ITGA8: variants seen among roughly 807,000 people sequenced by gnomAD.
The protein encoded by ITGA8 is integrin subunit alpha 8.
Under a neutral mutation model 142.3 loss-of-function variants are expected in ITGA8, and 91 were observed. The observed-to-expected ratio is 0.64, with a 90% CI of 0.54 to 0.76. The LOEUF (loss-of-function observed/expected upper bound fraction) is 0.76, where lower values mean the gene tolerates loss of function less well. Ranked by LOEUF, ITGA8 falls within the 30% of genes least tolerant of loss-of-function variation. The pLI is 0.00. For synonymous variants in ITGA8, 505 were observed against 485.2 expected (o/e 1.04, Z -0.54); for missense variants, 1,406 against 1,327.7 (o/e 1.06, Z -0.92).
At chr10:15,531,439 A>C (rs1225003576) in intron 27 of ITGA8, among the ~76,000 whole-genome samples, 2 of 120,904 alleles carry the variant, frequency 1.7e-5, no homozygotes, top group Non-Finnish European at 3.8e-5. Context: ...TCTTCTTCCT[A>C]TTTCTAAGGA....
chr10:15,628,324 GTTTTTTTTTT>G (rs4030578), intron 13 of ITGA8, among the ~76,000 whole-genome samples: 1 of 61,564 alleles, frequency 1.6e-5, no homozygotes, highest in Admixed American at 2.8e-4. Context: ...ATTTATTTTG[GTTTTTTTTTT>G]TTTTTTTTTT....
At chr10:15,623,906 A>G (rs578241566) in intron 13 of ITGA8, among the ~76,000 whole-genome samples, 1 of 151,898 alleles carries the variant, frequency 6.6e-6, no homozygotes, top group East Asian at 1.9e-4. Flanking sequence ...CCACTAATCT[A>G]TTTTCCAGAA....
chr10:15,529,596 A>G (rs1291491168), intron 28 of ITGA8, among the ~76,000 whole-genome samples: 2 of 152,208 alleles, frequency 1.3e-5, no homozygotes, highest in Admixed American at 6.5e-5. Flanking sequence ...CCCCAGACCT[A>G]CTGAATATTT....
intron 2 of ITGA8, among the ~76,000 whole-genome samples, chr10:15,706,290 C>T (rs1835256750): frequency 6.6e-6 from 1 of 152,182 alleles, no homozygotes; most frequent in South Asian, 2.1e-4. Flanking sequence ...CCAAATAAAG[C>T]CCCAAACCAC....
chr10:15,676,280 C>A lies in ITGA8; in HGVS notation c.676+1312G>T, dbSNP rs144872497. 1.1e-3 allele frequency among the ~76,000 whole-genome samples: 175 copies of A among 152,310 alleles called. 1 individual carries two copies. The highest frequency in any genetic ancestry group is 3.3e-3 in the African/African-American group (139 of 41,572). On this transcript the variant is annotated intron_variant, in intron 6 of 29. Coordinates refer to ENST00000378076, the MANE Select transcript of ITGA8 (RefSeq NM_003638.3). ...TTTCCAAGTTAACTTTGCGTTGCTG[C>A]TGGCCTATGCAGCACCTTAGCAAGA...
intron 16 of ITGA8, 116 bp downstream of exon 16, chr10:15,608,119 A>G (rs1028060136): frequency 7.9e-6 from 6 of 758,050 alleles, no homozygotes; most frequent in Non-Finnish European, 1.1e-5. Flanking sequence ...TATATGCAAC[A>G]GATATCTTGG....
At chr10:15,659,240 G>C (rs557685503) in intron 9 of ITGA8, among the ~76,000 whole-genome samples, 185 bp from the exon 10 acceptor site, 19 of 151,748 alleles carry the variant, frequency 1.3e-4, no homozygotes, top group Non-Finnish European at 2.2e-4. Context: ...TAAAGTTTTT[G>C]TTTATGGTTA....
intron 8 of ITGA8, among the ~76,000 whole-genome samples, chr10:15,671,095 A>G (rs1033787220): frequency 2.0e-5 from 3 of 152,210 alleles, no homozygotes; most frequent in Admixed American, 2.0e-4. Context: ...GGTAGACAAC[A>G]GCCACAGCAA....
intron 8 of ITGA8, among the ~76,000 whole-genome samples, chr10:15,664,512 TTC>T (rs887073042): frequency 2.6e-5 from 3 of 114,130 alleles, no homozygotes; most frequent in African/African-American, 8.8e-5. Context: ...TCTTTTTTTT[TTC>T]CACATTTTAT....
At chr10:15,552,529 C>T (rs1042800897) in intron 26 of ITGA8, among the ~76,000 whole-genome samples, 3 of 152,188 alleles carry the variant, frequency 2.0e-5, no homozygotes, top group Admixed American at 2.0e-4. Context: ...TATTAGAATT[C>T]TGTAGATGTC....
At chr10:15,613,862 C>G (rs1041842833) in intron 14 of ITGA8, 95 bp from the exon 15 acceptor site, 3 of 808,020 alleles carry the variant, frequency 3.7e-6, no homozygotes, top group Non-Finnish European at 4.2e-6. Flanking sequence ...CAGTAGTAGA[C>G]AGAATACTCC....
At chr10:15,629,533 C>G (rs938858915) in intron 13 of ITGA8, among the ~76,000 whole-genome samples, 1 of 152,038 alleles carries the variant, frequency 6.6e-6, no homozygotes, top group African/African-American at 2.4e-5. Flanking sequence ...CTGAGCCAGA[C>G]AAAGGCAGGC....
intron 2 of ITGA8, among the ~76,000 whole-genome samples, chr10:15,704,088 A>C (rs187566837): frequency 6.6e-6 from 1 of 152,338 alleles, no homozygotes; most frequent in East Asian, 1.9e-4. Context: ...GACGATCACC[A>C]ATCTTGCACT....
chr10:15,553,362 G>A (rs11259736), intron 26 of ITGA8, among the ~76,000 whole-genome samples: 16,953 of 143,694 alleles, frequency 0.12, 1,256 homozygotes, highest in Middle Eastern at 0.23. Context: ...CATAACAAAT[G>A]CTTCATTTGA....
rs147715663 is a variant in ITGA8 at position 15,672,498 on chromosome 10, C to G, written c.802+126G>C. On this transcript the variant is annotated intron_variant, in intron 7 of 29. Transcript: ENST00000378076. ...AAAAAGAAAAGAAAAATTGAGTCCACTCTAATAAGAGAACATTTGTATAAG... is the reference window on the plus strand; with the variant it reads ...AAAAAGAAAAGAAAAATTGAGTCCAGTCTAATAAGAGAACATTTGTATAAG... 3.7e-4 allele frequency: 434 copies of G among 1,182,886 alleles called. 1 individual carries two copies. In the Middle Eastern group the frequency reaches 5.8e-3, roughly 16 times the overall value. 73.3% of individuals were successfully genotyped at this position (1,182,886 alleles called of 1,614,324 possible).
Position 15,539,990 on chromosome 10 carries a change from G to A in ITGA8, c.2880+8465C>T, listed in dbSNP as rs11815800. 4.7e-3 allele frequency among the ~76,000 whole-genome samples: 711 copies of A among 152,112 alleles called. 11 individuals carry two copies. The highest frequency in any genetic ancestry group is 0.016 in the African/African-American group (677 of 41,502). On this transcript the variant is annotated intron_variant, in intron 27 of 29. Coordinates refer to ENST00000378076, the MANE Select transcript of ITGA8 (RefSeq NM_003638.3). ...GTTCCCCTGCACATGCTCTCTTGCCGCCATGTAAGACATGCTTTTGCTTCT... is the reference window on the plus strand; with the variant it reads ...GTTCCCCTGCACATGCTCTCTTGCCACCATGTAAGACATGCTTTTGCTTCT...
At chr10:15,709,100 T>C (rs1039714920) in intron 2 of ITGA8, among the ~76,000 whole-genome samples, 1 of 152,252 alleles carries the variant, frequency 6.6e-6, no homozygotes, top group Non-Finnish European at 1.5e-5. Flanking sequence ...CGTTTGTGAA[T>C]TCTTAGTGCC....
chr10:15,522,948 G>A (rs935701051), intron 28 of ITGA8, among the ~76,000 whole-genome samples: 5 of 151,936 alleles, frequency 3.3e-5, no homozygotes, highest in African/African-American at 1.2e-4. Flanking sequence ...GGAGGGAGAG[G>A]TTGCATTGCA....
At chr10:15,608,773 G>A (rs1475327414) in intron 15 of ITGA8, among the ~76,000 whole-genome samples, 4 of 152,018 alleles carry the variant, frequency 2.6e-5, no homozygotes, top group South Asian at 4.2e-4. Context: ...TTGGTGGATC[G>A]GTGAGGAACA....
Sources: allele counts gnomAD v4.1 joint callset (sites outside exome capture counted in the v4.1 genomes callset), GRCh38; gene constraint gnomAD v4.1.1; transcripts MANE v1.5; gene names NCBI Gene and HGNC (gene_info 2026-07-23, HGNC 2026-07-21).